FBXL2: variants seen among roughly 807,000 people sequenced by gnomAD.
FBXL2 encodes the protein F-box and leucine rich repeat protein 2, also known as F-box/LRR-repeat protein 2.
Under a neutral mutation model 69.2 loss-of-function variants are expected in FBXL2, and 38 were observed. The observed-to-expected ratio is 0.55, with a 90% CI of 0.42 to 0.72. FBXL2 has a LOEUF of 0.72. FBXL2 is among the 30% of genes least tolerant of loss of function. The pLI, the probability that FBXL2 is intolerant of heterozygous loss-of-function variation, is 0.00. For synonymous variants in FBXL2, 192 were observed against 201.3 expected, an observed-to-expected ratio of 0.95 and a Z score of 0.39; for missense variants, 354 against 520.3, an observed-to-expected ratio of 0.68 and a Z score of 3.11.
chr3:33,401,079 G>C, intron 12 of FBXL2: 1 of 1,429,050 alleles, frequency 7.0e-7, no homozygotes, highest in South Asian at 1.3e-5. Context: ...TTTAATCAAG[G>C]CATTAAAAGC....
At chr3:33,396,816 T>C (rs1167120839) in intron 12 of FBXL2, 1 of 666,858 alleles carries the variant, frequency 1.5e-6, no homozygotes, top group Non-Finnish European at 2.8e-6. Flanking sequence ...CCCATGTGCA[T>C]TTCTACCAGT....
At chr3:33,394,281 C>T (rs1000441976) in intron 12 of FBXL2, among the ~76,000 whole-genome samples, 4 of 151,456 alleles carry the variant, frequency 2.6e-5, no homozygotes, top group African/African-American at 4.8e-5. Flanking sequence ...CCTGGGCTCA[C>T]GCAGTCTGCC....
intron 2 of FBXL2, among the ~76,000 whole-genome samples, chr3:33,326,531 T>C (rs1051550632): frequency 6.7e-6 from 1 of 149,514 alleles, no homozygotes; most frequent in African/African-American, 2.5e-5. Context: ...GAAAAGAAAA[T>C]ACCGCATAGA....
intron 5 of FBXL2, 103 bp downstream of exon 5, chr3:33,364,822 C>A: frequency 2.8e-6 from 3 of 1,072,126 alleles, no homozygotes; most frequent in East Asian, 2.4e-5. Flanking sequence ...AAAATTCTTT[C>A]TGTGGTAATT....
chr3:33,378,265 T>G (rs940022402), intron 12 of FBXL2, 118 bp downstream of exon 12: 5 of 1,032,700 alleles, frequency 4.8e-6, no homozygotes, highest in Admixed American at 1.9e-5. Context: ...TCAACCTCAG[T>G]GGCAGGGCTT....
chr3:33,370,481 T>TA (rs1410034841), intron 5 of FBXL2, among the ~76,000 whole-genome samples: 1 of 152,184 alleles, frequency 6.6e-6, no homozygotes, highest in Non-Finnish European at 1.5e-5. Context: ...TTTTGTATTT[T>TA]AAGGATGGTG....
At chr3:33,372,195 G>A (rs2154047810) in intron 5 of FBXL2, 1 of 152,766 alleles carries the variant, frequency 6.5e-6, no homozygotes, top group South Asian at 2.1e-4. Context: ...CTCCCAAAGT[G>A]CTGGGATTAC....
chr3:33,342,004 C>CTTTTT (rs538123970), intron 2 of FBXL2, among the ~76,000 whole-genome samples: 2 of 109,814 alleles, frequency 1.8e-5, no homozygotes, highest in African/African-American at 7.1e-5. Flanking sequence ...TTTTCTTTAT[C>CTTTTT]TTTTTTTTTT....
rs1346237222 is a variant in FBXL2 at position 33,386,427 on chromosome 3, A to G, written c.*819A>G. The G allele has an allele frequency of 6.6e-6, 1 of 152,222 alleles. No individual in the cohort carries two copies. Among genetic ancestry groups the G allele is most frequent in the African/African-American group, 2.4e-5 (1 of 41,448 alleles). The allele number at this position is 152,222 out of a possible 1,614,324, so 9.4% of individuals were successfully genotyped here. A position where few individuals can be genotyped will look rare whatever the true frequency, so the allele number is the denominator to read the frequency against. ...CTTAAAGAGAAAGAACTAAGGCTTA[A>G]GTTATCTGTAGTATAATCAATTAGA... On this transcript the variant is annotated 3_prime_UTR_variant, in exon 15 of 15. Transcript: ENST00000484457.
intron 4 of FBXL2, among the ~76,000 whole-genome samples, chr3:33,362,030 G>C (rs906079860): frequency 6.6e-6 from 1 of 152,176 alleles, no homozygotes; most frequent in Non-Finnish European, 1.5e-5. Context: ...TAAAGAAACT[G>C]AGGCAAAGAA....
intron 1 of FBXL2, among the ~76,000 whole-genome samples, chr3:33,283,823 A>G (rs911791835): frequency 1.3e-5 from 2 of 152,172 alleles, no homozygotes; most frequent in African/African-American, 2.4e-5. Context: ...TGGATTTTCT[A>G]GTTTATTTGC....
intron 1 of FBXL2, among the ~76,000 whole-genome samples, chr3:33,293,346 A>G (rs1332504045): frequency 6.6e-6 from 1 of 152,246 alleles, no homozygotes; most frequent in Non-Finnish European, 1.5e-5. Flanking sequence ...TGGCATAGAA[A>G]AGTGGCAGGT....
chr3:33,323,970 T>C (rs964445044), intron 2 of FBXL2, among the ~76,000 whole-genome samples: 1 of 152,202 alleles, frequency 6.6e-6, no homozygotes, highest in African/African-American at 2.4e-5. Context: ...CAGCATCTGT[T>C]GTTTCCTGAC....
At chr3:33,406,525 G>T (rs1350182440), downstream of FBXL2, among the ~76,000 whole-genome samples, 1 of 152,130 alleles carries the variant, frequency 6.6e-6, no homozygotes, top group African/African-American at 2.4e-5. Context: ...TAAACTTTTT[G>T]TAATTATTGC....
chr3:33,360,792 A>G (rs1000397743), intron 4 of FBXL2, among the ~76,000 whole-genome samples: 1 of 152,138 alleles, frequency 6.6e-6, no homozygotes, highest in Non-Finnish European at 1.5e-5. Context: ...TCTACTGACC[A>G]CAAAGTAGAG....
downstream of FBXL2, among the ~76,000 whole-genome samples, chr3:33,405,627 G>C (rs1321408439): frequency 6.6e-6 from 1 of 152,100 alleles, no homozygotes; most frequent in African/African-American, 2.4e-5. Context: ...AGGAGTTGGG[G>C]ATCAGCCTGA....
At chr3:33,413,958 A>G in the FBXL2 span, among the ~76,000 whole-genome samples, 2 of 152,178 alleles carry the variant, frequency 1.3e-5, no homozygotes, top group Non-Finnish European at 2.9e-5. Flanking sequence ...AGCACAGAAA[A>G]TATCACAGTT....
Position 33,359,367 on chromosome 3 carries a change from C to A in FBXL2, c.195+10C>A. 6.2e-7 allele frequency: 1 copy of A among 1,605,744 alleles called. No homozygotes were observed. The highest frequency in any genetic ancestry group is 2.2e-5 in the East Asian group (1 of 44,734). On this transcript the variant is annotated intron_variant, in intron 4 of 14. Transcript: ENST00000484457. ...TCAAACAGATGTAGAGGTAAGTTAG[C>A]TTTGGTTTAGACAAAAAACTTTTTA...
chr3:33,390,008 A>C (rs1054348587), downstream of FBXL2: 15 of 298,050 alleles, frequency 5.0e-5, no homozygotes, highest in African/African-American at 3.2e-4. Context: ...AACCGCATAC[A>C]GTGTAAAAAG....
Sources: allele counts gnomAD v4.1 joint callset (sites outside exome capture counted in the v4.1 genomes callset), GRCh38; gene constraint gnomAD v4.1.1; transcripts MANE v1.5; gene names NCBI Gene and HGNC (gene_info 2026-07-23, HGNC 2026-07-21).